The following SLC7A14 variants were observed in gnomAD, a reference collection of about 807,000 sequenced individuals.
SLC7A14 encodes gamma-aminobutyric acid transporter SLC7A14.
In SLC7A14, 37 loss-of-function variants were observed where a neutral mutation model predicts 60.2. The observed-to-expected ratio is 0.61, with a 90% confidence interval of 0.47 to 0.81. The LOEUF (loss-of-function observed/expected upper bound fraction) is 0.81. SLC7A14 is among the 30% of genes least tolerant of loss of function. SLC7A14 has a pLI of 0.00. For missense variants in SLC7A14, 886 were observed against 982.7 expected, an observed-to-expected ratio of 0.90 and a Z score of 1.32; for synonymous variants, 399 against 395.8, an observed-to-expected ratio of 1.01 and a Z score of -0.10.
Position 170,561,336 on chromosome 3 carries a change from C to A in SLC7A14, c.-153+24575G>T, listed in dbSNP as rs558451078. Among the ~76,000 whole-genome samples the A allele has an allele frequency of 2.6e-5, 4 of 152,330 alleles. No homozygotes were observed. The East Asian group carries it at 5.8e-4, about 22-fold the overall frequency. ...GTCTGGGCAATTGCTGTGTGTGCAT[C>A]TTCGTACAAAATATATGTGCAGTTT... is the stretch of plus-strand genomic sequence containing the variant. On this transcript the variant is annotated intron_variant, in intron 1 of 7. Coordinates refer to ENST00000231706, the MANE Select transcript of SLC7A14 (RefSeq NM_020949.3).
chr3:170,561,031 G>T (rs143899024), intron 1 of SLC7A14, among the ~76,000 whole-genome samples: 2 of 152,176 alleles, frequency 1.3e-5, no homozygotes, highest in African/African-American at 4.8e-5. Context: ...CCCTTTCCAG[G>T]GTCTTGTAAC....
At chr3:170,484,569 A>G (rs746470496) in intron 5 of SLC7A14, among the ~76,000 whole-genome samples, 2 of 152,224 alleles carry the variant, frequency 1.3e-5, no homozygotes, top group Non-Finnish European at 2.9e-5. Flanking sequence ...TCAAGAAGGG[A>G]TTCAAAGCCT....
At chr3:170,534,503 G>A (rs1301386316) in intron 1 of SLC7A14, among the ~76,000 whole-genome samples, 1 of 152,158 alleles carries the variant, frequency 6.6e-6, no homozygotes, top group Non-Finnish European at 1.5e-5. Context: ...GATGTAAACA[G>A]TTTTGATGAT....
At chr3:170,540,759 G>T (rs1468055887) in intron 1 of SLC7A14, among the ~76,000 whole-genome samples, 1 of 152,162 alleles carries the variant, frequency 6.6e-6, no homozygotes, top group East Asian at 1.9e-4. Flanking sequence ...AATGCCAGAT[G>T]TTGTCTGGTG....
intron 1 of SLC7A14, among the ~76,000 whole-genome samples, chr3:170,537,312 C>T (rs2108298431): frequency 6.6e-6 from 1 of 152,290 alleles, no homozygotes; most frequent in Middle Eastern, 3.4e-3. Flanking sequence ...TATCTTCTCT[C>T]CTCTCTGATC....
At chr3:170,467,403 G>A (rs755051722) in intron 7 of SLC7A14, 26 bp from the exon 8 acceptor site, 1 of 1,305,908 alleles carries the variant, frequency 7.7e-7, no homozygotes, top group South Asian at 1.4e-5. Context: ...AAAGGTACAG[G>A]TGAATAAGCA....
intron 1 of SLC7A14, among the ~76,000 whole-genome samples, chr3:170,575,619 C>A (rs961862359): frequency 1.3e-5 from 2 of 152,128 alleles, no homozygotes; most frequent in African/African-American, 4.8e-5. Flanking sequence ...CAATTGATGG[C>A]TAAAATTCCC....
intron 2 of SLC7A14, among the ~76,000 whole-genome samples, chr3:170,505,557 T>C (rs1192670087): frequency 2.0e-5 from 3 of 152,098 alleles, no homozygotes; most frequent in Non-Finnish European, 4.4e-5. Flanking sequence ...AAAAATGAAT[T>C]TGGGTGTACT....
At chr3:170,558,188 C>T (rs534345754) in intron 1 of SLC7A14, among the ~76,000 whole-genome samples, 8 of 152,006 alleles carry the variant, frequency 5.3e-5, no homozygotes, top group Non-Finnish European at 8.8e-5. Context: ...GCCAATGTGG[C>T]GAAATTCCAT....
At chr3:170,504,727 G>C (rs1452155470) in intron 2 of SLC7A14, among the ~76,000 whole-genome samples, 1 of 152,084 alleles carries the variant, frequency 6.6e-6, no homozygotes, top group Non-Finnish European at 1.5e-5. Context: ...ATACAGTTTA[G>C]GGTCCCTTCT....
At chr3:170,531,496 G>C (rs1289532146) in intron 1 of SLC7A14, among the ~76,000 whole-genome samples, 1 of 151,962 alleles carries the variant, frequency 6.6e-6, no homozygotes, top group East Asian at 1.9e-4. Flanking sequence ...CAAAGGTTGA[G>C]GGTGGCAAGA....
At chr3:170,496,442 T>A in intron 4 of SLC7A14, 1 of 1,257,530 alleles carries the variant, frequency 8.0e-7, no homozygotes, top group Non-Finnish European at 1.2e-6. Context: ...CCATCGCAGA[T>A]ACCGAGCAGC....
intron 1 of SLC7A14, among the ~76,000 whole-genome samples, chr3:170,565,265 G>A (rs1714760622): frequency 6.6e-6 from 1 of 152,118 alleles, no homozygotes; most frequent in South Asian, 2.1e-4. Flanking sequence ...ATGCAAGGAG[G>A]TGATGGCTCT....
At chr3:170,527,687 T>A (rs1180484206) in intron 1 of SLC7A14, among the ~76,000 whole-genome samples, 4 of 152,176 alleles carry the variant, frequency 2.6e-5, no homozygotes, top group Non-Finnish European at 5.9e-5. Context: ...TTTGGGAATT[T>A]TTTTTACTCT....
Position 170,480,562 on chromosome 3 carries a change from T to G in SLC7A14, c.1720A>C (p.Ile574Leu). 2.5e-6 allele frequency: 4 copies of G among 1,614,152 alleles called. No individual in the cohort carries two copies. The highest frequency in any genetic ancestry group is 3.4e-6 in the Non-Finnish European group (4 of 1,180,026). The change falls in exon 7 of 8, where the codon ATC becomes CTC. Residue 574 changes from isoleucine to leucine, a missense_variant. Physicochemically the swap from Ile to Leu is conservative, Grantham distance 5. Coordinates refer to ENST00000231706, the MANE Select transcript of SLC7A14 (RefSeq NM_020949.3). ...TVTICVLLLF[I>L]LMFIFCSFII... ...AAGGAGCAGAAGATGAACATGAGGATGAAGAGCAGGAGCACGCAGATGGTC... is the reference window on the plus strand; with the variant it reads ...AAGGAGCAGAAGATGAACATGAGGAGGAAGAGCAGGAGCACGCAGATGGTC...
intron 7 of SLC7A14, among the ~76,000 whole-genome samples, chr3:170,479,212 C>T (rs1399512360): frequency 2.6e-5 from 4 of 152,112 alleles, no homozygotes; most frequent in African/African-American, 7.2e-5. Context: ...CTAAGTGACT[C>T]GTGTGTTTGT....
intron 7 of SLC7A14, among the ~76,000 whole-genome samples, chr3:170,472,589 C>A (rs559589337): frequency 8.6e-4 from 130 of 152,006 alleles, no homozygotes; most frequent in Non-Finnish European, 1.5e-3. Context: ...CACGGTGAAA[C>A]CCCGTCTCTA....
rs1350424499 is a variant in SLC7A14, at chr3:170,480,484, G to A, written c.1798C>T (p.Leu600=). 1 of 1,614,188 alleles carries A rather than the reference G, an allele frequency of 6.2e-7. No individual in the cohort carries two copies. The highest frequency in any genetic ancestry group is 2.2e-5 in the East Asian group (1 of 44,886). Residue 600 remains leucine, a synonymous_variant, in exon 7 of 8, where the codon CTG becomes TTG. Transcript: ENST00000231706. ...ISEQSWWAIL[L]VVLMVLLIST... ...ATCAGCAGCACCATCAGAACAACCAGAAGGATGGCCCACCAGCTCTGCTCT... is the reference window on the plus strand; with the variant it reads ...ATCAGCAGCACCATCAGAACAACCAAAAGGATGGCCCACCAGCTCTGCTCT...
At position 170,483,509 on chromosome 3, in the gene SLC7A14, A is replaced by G; in HGVS notation, c.920T>C (p.Leu307Ser). The G allele has an allele frequency of 6.2e-7, 1 of 1,614,214 alleles. No individual in the cohort carries two copies. The highest frequency in any genetic ancestry group is 1.1e-5 in the South Asian group (1 of 91,086). ...GGTATAATATGGCACCATCAGAGTT[A>G]AGATCACGCTCACCTGTTAAAACAA... ...LTAYVSVSVI[L>S]TLMVPYYTID... Residue 307 changes from leucine (L) to serine (S), a missense_variant, in exon 6 of 8, where the codon TTA (leucine) becomes TCA (serine). Leu to Ser is a moderately radical substitution (Grantham distance 145). Transcript: ENST00000231706.
Sources: gnomAD v4.1 joint callset for allele counts (sites outside exome capture counted in the v4.1 genomes callset) on GRCh38, gnomAD v4.1.1 for gene constraint, MANE v1.5 for transcripts, NCBI Gene and HGNC (gene_info 2026-07-23, HGNC 2026-07-21) for gene names.